The following TPM1 variants were observed in gnomAD, a reference collection of about 807,000 sequenced individuals.
TPM1 encodes the protein tropomyosin alpha-1 chain.
In TPM1, 24 loss-of-function variants were observed where a neutral mutation model predicts 42.9. The ratio of observed to expected loss-of-function variants is 0.56; its 90% CI spans 0.41 to 0.79. The LOEUF (loss-of-function observed/expected upper bound fraction) is 0.79. Ranked by LOEUF, TPM1 falls within the 30% of genes least tolerant of loss-of-function variation. TPM1 has a pLI of 0.00. For synonymous variants in TPM1, 136 were observed against 130.1 expected (o/e 1.05, Z -0.31); for missense variants, 158 against 351.8 (o/e 0.45, Z 4.41).
intron 2 of TPM1, among the ~76,000 whole-genome samples, chr15:63,052,148 A>G (rs922953093): frequency 3.3e-4 from 50 of 152,072 alleles, no homozygotes; most frequent in Non-Finnish European, 6.8e-4. Context: ...TTAGAACACA[A>G]TAGCACTTTT....
At chr15:63,043,863 C>A in intron 1 of TPM1, 164 bp from the exon 2 acceptor site, 2 of 1,549,496 alleles carry the variant, frequency 1.3e-6, no homozygotes, top group South Asian at 1.2e-5. Context: ...GCGTGGCGCA[C>A]GAATGGCTAA....
At chr15:63,051,278 C>T (rs1195194117) in intron 2 of TPM1, among the ~76,000 whole-genome samples, 2 of 152,200 alleles carry the variant, frequency 1.3e-5, no homozygotes, top group Non-Finnish European at 2.9e-5. Context: ...TCCCTCTTTA[C>T]ACTTGGTAAG....
At chr15:63,060,188 C>T (rs2035425583) in intron 4 of TPM1, among the ~76,000 whole-genome samples, 1 of 152,172 alleles carries the variant, frequency 6.6e-6, no homozygotes. Flanking sequence ...ATGAAAACAG[C>T]CTCCTGTGAT....
downstream of TPM1, chr15:63,070,733 C>G (rs2036561580): frequency 1.4e-5 from 15 of 1,065,086 alleles, no homozygotes; most frequent in Non-Finnish European, 1.6e-5. Flanking sequence ...CTGTTCGTAA[C>G]TTCTTCAGTT....
At chr15:63,055,176 G>A (rs1245457366) in intron 2 of TPM1, among the ~76,000 whole-genome samples, 1 of 152,172 alleles carries the variant, frequency 6.6e-6, no homozygotes, top group African/African-American at 2.4e-5. Context: ...TACCAGCTGT[G>A]CACTGATAAT....
At chr15:63,061,367 C>A in intron 5 of TPM1, 1 of 1,116,372 alleles carries the variant, frequency 9.0e-7, no homozygotes, top group Non-Finnish European at 1.4e-6. Flanking sequence ...AACGACTGCA[C>A]CTTCACTTCA....
At position 63,044,122 on chromosome 15, in the gene TPM1, G is replaced by A. The variant is rs1596303249; in HGVS notation, c.210G>A (p.Lys70=). The A allele has an allele frequency of 6.2e-7, 1 of 1,614,248 alleles. No individual in the cohort carries two copies. Among genetic ancestry groups the A allele is most frequent in the South Asian group, 1.1e-5 (1 of 91,088 alleles). ...AGGCTCTCAAAGATGCCCAGGAGAAGCTGGAGCTGGCAGAGAAAAAGGCCA... is the reference window on the plus strand; with the variant it reads ...AGGCTCTCAAAGATGCCCAGGAGAAACTGGAGCTGGCAGAGAAAAAGGCCA... The part of the protein sequence containing the change: ...YSEALKDAQE[K]LELAEKKATD... The change falls in exon 2 of 10, where the codon AAG becomes AAA. Residue 70 remains lysine (K), a synonymous_variant. Transcript: ENST00000403994.
chr15:63,059,466 ACCACTTACACTAAGC>A (rs575388253), intron 3 of TPM1, 82 bp from the exon 4 acceptor site: 1 of 929,984 alleles, frequency 1.1e-6, no homozygotes, highest in African/African-American at 1.6e-5. Context: ...ATTTTGGTCT[ACCACTTACACTAAGC>A]CTCACAAGCC....
chr15:63,043,173 C>T (rs2031549578), intron 1 of TPM1: 7 of 568,542 alleles, frequency 1.2e-5, no homozygotes, highest in Non-Finnish European at 2.2e-5. Context: ...GTTCCCATGG[C>T]CCGCGAAATC....
intron 2 of TPM1, chr15:63,048,118 G>A: frequency 2.4e-6 from 1 of 421,526 alleles, no homozygotes; most frequent in South Asian, 1.6e-5. Context: ...GGACTCGGGA[G>A]CGGAGCGCTC....
chr15:63,065,450 C>CAA, intron 9 of TPM1: 5 of 985,230 alleles, frequency 5.1e-6, no homozygotes, highest in Non-Finnish European at 6.0e-6. Context: ...CCACAGTCAA[C>CAA]AAAAAAGCCT....
Position 63,065,997 on chromosome 15 carries a change from T to A in TPM1, c.*98T>A. 1 of 1,566,300 alleles carries A rather than the reference T, an allele frequency of 6.4e-7. No individual in the cohort carries two copies. The highest frequency in any genetic ancestry group is 8.7e-7 in the Non-Finnish European group (1 of 1,155,254). ...TCTATTCTCCAGCTGACCCTGGTTC[T>A]CTCTCTTAGCATCCTGCCTTAGAGC... is the stretch of plus-strand genomic sequence containing the variant. On this transcript the variant is annotated 3_prime_UTR_variant, in exon 10 of 10. Transcript: ENST00000403994.
At chr15:63,061,027 C>A in intron 5 of TPM1, 88 bp downstream of exon 5, 1 of 1,538,324 alleles carries the variant, frequency 6.5e-7, no homozygotes, top group South Asian at 1.1e-5. Flanking sequence ...TGCACATTAC[C>A]TGTTTCAGCT....
In TPM1 at chr15:63,057,174, G is replaced by C. The variant is rs531649718; in HGVS notation, c.374+56G>C. 160 of 1,610,298 alleles carry C rather than the reference G, an allele frequency of 9.9e-5. 5 individuals are homozygous for C. In the South Asian group the frequency reaches 1.6e-3, roughly 16 times the overall value. ...GCTGCCTTTCCTGGTGGAATAAACC[G>C]GAGGGCTCCTGTGATCTTTGAGGTT... On this transcript the variant is annotated intron_variant, in intron 3 of 9. Transcript: ENST00000403994.
intron 9 of TPM1, chr15:63,064,907 C>A: frequency 1.3e-6 from 1 of 773,862 alleles, no homozygotes; most frequent in Non-Finnish European, 1.6e-6. Context: ...GTGGAGCTTG[C>A]AGTCAGCCGA....
chr15:63,064,238 T>C lies in TPM1; in HGVS notation c.851+96T>C, dbSNP rs906973989. ...TTCCTTGCTCCCTAATCTCCATCTT[T>C]GCACTCTTGTGTTCACCCTTTTTGT... On this transcript the variant is annotated intron_variant, in intron 9 of 9. Coordinates refer to ENST00000403994, the MANE Select transcript of TPM1 (RefSeq NM_001018005.2). The C allele has an allele frequency of 4.5e-6, 7 of 1,552,332 alleles. No individual in the cohort carries two copies. The African/African-American group carries it at 8.2e-5, about 18-fold the overall frequency.
At chr15:63,048,304 G>A in intron 2 of TPM1, 4 of 880,930 alleles carry the variant, frequency 4.5e-6, no homozygotes, top group Non-Finnish European at 5.0e-6. Context: ...TCTCCCCGCC[G>A]CCGCGAGCAT....
chr15:63,048,920 A>G (rs2140743711), intron 2 of TPM1: 2 of 671,322 alleles, frequency 3.0e-6, no homozygotes, highest in Middle Eastern at 2.4e-4. Context: ...GCTGATCCAA[A>G]GTAAACGCTC....
intron 2 of TPM1, among the ~76,000 whole-genome samples, chr15:63,053,590 A>G (rs1328973102): frequency 6.7e-6 from 1 of 150,084 alleles, no homozygotes; most frequent in Non-Finnish European, 1.5e-5. Context: ...GGCAAAGGGG[A>G]TTGTTTATTT....
Sources: gnomAD v4.1 joint callset for allele counts (sites outside exome capture counted in the v4.1 genomes callset) on GRCh38, gnomAD v4.1.1 for gene constraint, MANE v1.5 for transcripts, NCBI Gene and HGNC (gene_info 2026-07-23, HGNC 2026-07-21) for gene names.